ANKS1A: variants seen among roughly 807,000 people sequenced by gnomAD.
ANKS1A encodes ankyrin repeat and sterile alpha motif domain containing 1A, also known as ankyrin repeat and SAM domain-containing protein 1A.
ANKS1A carries 55 observed loss-of-function variants against 120.3 expected under a neutral mutation model. The observed-to-expected ratio is 0.46, with a 90% CI of 0.37 to 0.57. ANKS1A has a LOEUF of 0.57. Among genes scored for constraint, ANKS1A ranks in the 20% least tolerant of loss-of-function variants. The pLI, the probability that ANKS1A is intolerant of heterozygous loss-of-function variation, is 0.00. For missense variants in ANKS1A, 1,123 were observed against 1,480.3 expected (o/e 0.76, Z 3.96); for synonymous variants, 590 against 604.7 (o/e 0.98, Z 0.36).
intron 1 of ANKS1A, among the ~76,000 whole-genome samples, chr6:34,912,686 G>A (rs1468207193): frequency 2.0e-5 from 3 of 152,210 alleles, no homozygotes; most frequent in Admixed American, 6.5e-5. Context: ...CCACAAAGTC[G>A]ATTGGGGTTA....
At chr6:34,940,935 A>C (rs1769498180) in intron 1 of ANKS1A, among the ~76,000 whole-genome samples, 1 of 152,032 alleles carries the variant, frequency 6.6e-6, no homozygotes, top group African/African-American at 2.4e-5. Context: ...AAAATAATAT[A>C]TCCTCATGAT....
intron 1 of ANKS1A, among the ~76,000 whole-genome samples, chr6:34,952,692 G>A (rs182838354): frequency 1.3e-5 from 2 of 151,536 alleles, no homozygotes; most frequent in East Asian, 1.9e-4. Context: ...AAATAACTTC[G>A]AAGAATATAT....
intron 10 of ANKS1A, among the ~76,000 whole-genome samples, chr6:34,999,090 A>G (rs1352317014): frequency 6.6e-6 from 1 of 152,244 alleles, no homozygotes; most frequent in East Asian, 1.9e-4. Context: ...GAGTCTGGAC[A>G]TCTAAAACTT....
In ANKS1A at chr6:35,010,609, C is replaced by A. The variant is rs555368881; in HGVS notation, c.1424-6864C>A. On this transcript the variant is annotated intron_variant, in intron 10 of 23. Transcript: ENST00000360359. ...TGAACCTGTCTAAAAGTCCCATAAC[C>A]AAGGAAGGAAGGGGAGAGTGAGTAC... Among the ~76,000 whole-genome samples, 23 of 152,106 alleles carry A rather than the reference C, an allele frequency of 1.5e-4. No homozygotes were observed. In the South Asian group the frequency reaches 4.8e-3, roughly 32 times the overall value.
At position 34,973,896 on chromosome 6, in the gene ANKS1A, TCCCTTC is replaced by T. The variant is rs1430047439; in HGVS notation, c.435+3745_435+3750del. ...CTTCCCCTTCCCCTTCACTTCCCCT[TCCCTTC>T]CCCTTCCCCTTCCCTTCCCCTTCCC... On this transcript the variant is annotated intron_variant, in intron 3 of 23. Transcript: ENST00000360359. Among the ~76,000 whole-genome samples the T allele has an allele frequency of 5.2e-4, 26 of 49,526 alleles. 1 individual carries two copies. Among genetic ancestry groups the T allele is most frequent in the African/African-American group, 1.7e-3 (20 of 11,510 alleles). The allele number at this position is 49,526 out of a possible 152,430, so 32.5% of individuals were successfully genotyped here. A position where few individuals can be genotyped will look rare whatever the true frequency, so the allele number is the denominator to read the frequency against.
At chr6:34,948,551 C>T (rs1323200847) in intron 1 of ANKS1A, among the ~76,000 whole-genome samples, 2 of 152,058 alleles carry the variant, frequency 1.3e-5, no homozygotes, top group African/African-American at 4.8e-5. Context: ...GAACTAAGTG[C>T]CAGGCAGGTC....
At chr6:35,012,489 C>T (rs1051630066) in intron 10 of ANKS1A, among the ~76,000 whole-genome samples, 9 of 152,278 alleles carry the variant, frequency 5.9e-5, no homozygotes, top group African/African-American at 2.2e-4. Flanking sequence ...CCTAATGATA[C>T]GGAGAACACA....
At position 35,086,157 on chromosome 6, in the gene ANKS1A, C is replaced by T. The variant is rs1777963951; in HGVS notation, c.3303+221C>T. 3 of 1,200,044 alleles carry T rather than the reference C, an allele frequency of 2.5e-6. No individual in the cohort carries two copies. Among genetic ancestry groups the T allele is most frequent in the South Asian group, 1.5e-5 (1 of 68,934 alleles). 74.3% of individuals were successfully genotyped at this position (1,200,044 alleles called of 1,614,324 possible). ...CTCTCATGCTCCTGTTTCCCTCCCTCGCTGGGCTCCCCCAAGGGCAAGGCC... is the reference window on the plus strand; with the variant it reads ...CTCTCATGCTCCTGTTTCCCTCCCTTGCTGGGCTCCCCCAAGGGCAAGGCC... On this transcript the variant is annotated intron_variant, in intron 22 of 23. Transcript: ENST00000360359. This position sits in a 1 kb window ranked among gnomAD's most constrained non-coding sequence, Gnocchi z 5.1.
At chr6:35,007,284 A>G (rs576636181) in intron 10 of ANKS1A, among the ~76,000 whole-genome samples, 3 of 152,332 alleles carry the variant, frequency 2.0e-5, no homozygotes, top group Non-Finnish European at 4.4e-5. Context: ...GTGCCTATAG[A>G]AGAAACAAAA....
intron 11 of ANKS1A, among the ~76,000 whole-genome samples, chr6:35,018,409 T>C (rs1279596891): frequency 1.3e-5 from 2 of 152,146 alleles, no homozygotes; most frequent in Non-Finnish European, 2.9e-5. Flanking sequence ...GCTGGAGTAC[T>C]TCCTATGAGT....
At position 34,894,785 on chromosome 6, in the gene ANKS1A, A is replaced by G. The variant is rs1030369678; in HGVS notation, c.197+5186A>G. Among the ~76,000 whole-genome samples the G allele has an allele frequency of 3.9e-5, 6 of 152,250 alleles. No individual in the cohort carries two copies. In the East Asian group the frequency reaches 9.6e-4, roughly 24 times the overall value. On this transcript the variant is annotated intron_variant, in intron 1 of 23. Coordinates refer to ENST00000360359, the MANE Select transcript of ANKS1A (RefSeq NM_015245.3). ...AAGTGAAATGTACTTCTTAGGGTTC[A>G]GAAGCACAGAGAAACTAAACCGAAG...
At chr6:35,055,066 T>G (rs1044709557) in intron 12 of ANKS1A, among the ~76,000 whole-genome samples, 1 of 152,218 alleles carries the variant, frequency 6.6e-6, no homozygotes, top group African/African-American at 2.4e-5. Flanking sequence ...AGTTCCTCCA[T>G]GGGCTTCTGT....
At position 35,084,396 on chromosome 6, in the gene ANKS1A, C is replaced by G; in HGVS notation, c.3132+138C>G. On this transcript the variant is annotated intron_variant, in intron 21 of 23. Coordinates refer to ENST00000360359, the MANE Select transcript of ANKS1A (RefSeq NM_015245.3). The surrounding 1 kb of genome is among the most constrained non-coding windows in gnomAD (Gnocchi z 4.8). ...CAAATGTTTGGTTCATGAATGGAGC[C>G]CAGCAGCACTCAGGCCGGTCCCCTT... The G allele has an allele frequency of 1.6e-6, 2 of 1,246,770 alleles. No individual in the cohort carries two copies. Among genetic ancestry groups the G allele is most frequent in the Non-Finnish European group, 2.2e-6 (2 of 922,960 alleles). 77.2% of individuals were successfully genotyped at this position (1,246,770 alleles called of 1,614,324 possible).
chr6:34,966,648 G>A (rs1449210422), intron 1 of ANKS1A, among the ~76,000 whole-genome samples: 1 of 152,140 alleles, frequency 6.6e-6, no homozygotes, highest in Non-Finnish European at 1.5e-5. Flanking sequence ...AAGGCTTTGA[G>A]GATTAAGTAA....
chr6:35,087,484 G>A (rs1033889451), intron 23 of ANKS1A, among the ~76,000 whole-genome samples: 1 of 152,180 alleles, frequency 6.6e-6, no homozygotes, highest in East Asian at 1.9e-4. Flanking sequence ...GCTGTACTGA[G>A]CCACAGCTGG....
chr6:35,089,307 A>C lies in ANKS1A; in HGVS notation c.*698A>C. 2 of 987,780 alleles carry C rather than the reference A, an allele frequency of 2.0e-6. No homozygotes were observed. The highest frequency in any genetic ancestry group is 2.4e-6 in the Non-Finnish European group (2 of 831,330). The allele number at this position is 987,780 out of a possible 1,614,324, so 61.2% of individuals were successfully genotyped here. A position where few individuals can be genotyped will look rare whatever the true frequency, so the allele number is the denominator to read the frequency against. Reference sequence around the variant, plus strand: ...TCCCGATGGGAAGGTTCAGTGGCCAAATGAAGATAAGTGTGCAGTTTCTAG... The same window carrying C: ...TCCCGATGGGAAGGTTCAGTGGCCACATGAAGATAAGTGTGCAGTTTCTAG... On this transcript the variant is annotated 3_prime_UTR_variant, in exon 24 of 24. Coordinates refer to ENST00000360359, the MANE Select transcript of ANKS1A (RefSeq NM_015245.3).
At chr6:35,081,327 G>T (rs1045224915) in intron 17 of ANKS1A, among the ~76,000 whole-genome samples, 169 bp downstream of exon 17, 1 of 152,136 alleles carries the variant, frequency 6.6e-6, no homozygotes, top group African/African-American at 2.4e-5. Flanking sequence ...CTTGCGTAAG[G>T]CCCACCCAGC....
At chr6:34,906,066 A>G (rs1157086774) in intron 1 of ANKS1A, among the ~76,000 whole-genome samples, 1 of 152,148 alleles carries the variant, frequency 6.6e-6, no homozygotes, top group African/African-American at 2.4e-5. Context: ...TCTTCTGCCT[A>G]ATCCCACCTC....
At chr6:35,019,012 A>G (rs900446485) in intron 11 of ANKS1A, among the ~76,000 whole-genome samples, 14 of 152,150 alleles carry the variant, frequency 9.2e-5, no homozygotes, top group African/African-American at 3.1e-4. Context: ...CAGAAGAGGG[A>G]TAAGTGGTTC....
Sources: allele counts gnomAD v4.1 joint callset (sites outside exome capture counted in the v4.1 genomes callset), GRCh38; gene constraint gnomAD v4.1.1; non-coding constraint Gnocchi (gnomAD v3.1); transcripts MANE v1.5; gene names NCBI Gene and HGNC (gene_info 2026-07-23, HGNC 2026-07-21).